Variants in ACO2 observed in about 807,000 individuals in gnomAD.
The protein encoded by ACO2 is aconitase 2.
ACO2 carries 31 observed loss-of-function variants against 84.5 expected under a neutral mutation model. That is an observed-to-expected ratio of 0.37 (90% confidence interval 0.28 to 0.50). ACO2 has a LOEUF of 0.50. Among genes scored for constraint, ACO2 ranks in the 20% least tolerant of loss-of-function variants. ACO2 has a pLI of 0.97. For synonymous variants in ACO2, 414 were observed against 412.7 expected (o/e 1.00, Z -0.04); for missense variants, 685 against 1,029.3 (o/e 0.67, Z 4.58).
At chr22:41,526,672 G>A in intron 15 of ACO2, 1 of 512,446 alleles carries the variant, frequency 2.0e-6, no homozygotes, top group South Asian at 3.2e-5. Flanking sequence ...GCACCAGGAG[G>A]AGTTAGTGAG....
At chr22:41,501,609 G>A (rs2066354195) in intron 2 of ACO2, among the ~76,000 whole-genome samples, 1 of 152,190 alleles carries the variant, frequency 6.6e-6, no homozygotes, top group Non-Finnish European at 1.5e-5. Flanking sequence ...TGGCTTCTTT[G>A]ATACTGACAG....
At chr22:41,517,424 A>T (rs867636539) in intron 6 of ACO2, 103 bp from the exon 7 acceptor site, 1 of 881,186 alleles carries the variant, frequency 1.1e-6, no homozygotes, top group Middle Eastern at 2.8e-4. Flanking sequence ...TGGGAGGAGA[A>T]GCAATGCAGC....
chr22:41,504,711 CTTTTTTT>C (rs926246283), intron 2 of ACO2, among the ~76,000 whole-genome samples: 5 of 48,604 alleles, frequency 1.0e-4, no homozygotes, highest in African/African-American at 3.9e-4. Context: ...ACCTTAGGGA[CTTTTTTT>C]TTTTTTTTTT....
chr22:41,496,505 G>A (rs868723564), intron 1 of ACO2, among the ~76,000 whole-genome samples: 3 of 152,156 alleles, frequency 2.0e-5, no homozygotes, highest in South Asian at 2.1e-4. Context: ...ATTGCTTGGA[G>A]AGGTTAAATT....
At position 41,469,175 on chromosome 22, in the gene ACO2, G is replaced by A. The variant is rs759178065; in HGVS notation, c.29G>A (p.Arg10Gln). MAPYSLLVT[R>Q]LQKALGVRQY... ...GCGCCCTACAGCCTACTGGTGACTCGGCTGCAGGTGAGCGAGCTCAGGGAC... is the reference window on the plus strand; with the variant it reads ...GCGCCCTACAGCCTACTGGTGACTCAGCTGCAGGTGAGCGAGCTCAGGGAC... The change falls in exon 1 of 18, where the codon CGG becomes CAG. Residue 10 changes from arginine to glutamine, a missense_variant. By Grantham distance (43) the Arg-to-Gln change is conservative (BLOSUM62 1). Transcript: ENST00000216254. The A allele has an allele frequency of 1.2e-6, 2 of 1,607,720 alleles. No homozygotes were observed. The highest frequency in any genetic ancestry group is 1.7e-6 in the Non-Finnish European group (2 of 1,176,868).
intron 17 of ACO2, 147 bp from the exon 18 acceptor site, chr22:41,528,331 TG>T: frequency 8.3e-7 from 1 of 1,199,668 alleles, no homozygotes; most frequent in Non-Finnish European, 1.1e-6. Flanking sequence ...GGGTCTGACC[TG>T]GGCCATCAGG....
chr22:41,503,989 G>A lies in ACO2; in HGVS notation c.174-3802G>A, dbSNP rs549627613. Among the ~76,000 whole-genome samples, 38 of 152,318 alleles carry A rather than the reference G, an allele frequency of 2.5e-4. No homozygotes were observed. In the South Asian group the frequency reaches 3.5e-3, roughly 14 times the overall value. On this transcript the variant is annotated intron_variant, in intron 2 of 17. Transcript: ENST00000216254. ...GGCACTTTGGGAGGCCGAGGCAGGC[G>A]GATCACTTAAGGCCAGGAGTTTGAG...
intron 14 of ACO2, 111 bp from the exon 15 acceptor site, chr22:41,526,151 C>T (rs1260273040): frequency 1.1e-6 from 1 of 927,858 alleles, no homozygotes; most frequent in Non-Finnish European, 1.6e-6. Context: ...GCCTCTCACC[C>T]CTCTGTCACC....
chr22:41,499,813 T>A lies in ACO2; in HGVS notation c.124T>A (p.Tyr42Asn). 6.2e-7 allele frequency: 1 copy of A among 1,614,090 alleles called. No individual in the cohort carries two copies. Among genetic ancestry groups the A allele is most frequent in the Non-Finnish European group, 8.5e-7 (1 of 1,180,030 alleles). The change falls in exon 2 of 18, where the codon TAC becomes AAC. Residue 42 changes from tyrosine (Y) to asparagine (N), a missense_variant. Tyr to Asn is a moderately radical substitution (Grantham distance 143, BLOSUM62 -2). This residue lies in a region of ACO2 where 98 missense variants were observed against 107.6 expected (regional missense o/e 0.91). Coordinates refer to ENST00000216254, the MANE Select transcript of ACO2 (RefSeq NM_001098.3). ...VAMSHFEPNE[Y>N]IHYDLLEKNI... ...GATGAGCCACTTTGAGCCCAACGAG[T>A]ACATCCATTATGACCTGCTAGAGAA...
At chr22:41,495,480 A>G (rs563180855) in intron 1 of ACO2, among the ~76,000 whole-genome samples, 6 of 152,040 alleles carry the variant, frequency 3.9e-5, no homozygotes, top group Non-Finnish European at 7.4e-5. Flanking sequence ...CCATCTACGT[A>G]TTGATAAGTA....
In ACO2 at chr22:41,528,005, G is replaced by T; in HGVS notation, c.2191G>T (p.Asp731Tyr). Residue 731 changes from aspartate to tyrosine, a missense_variant, in exon 17 of 18, where the codon GAC becomes TAC. Transcript: ENST00000216254. ...VDKLTIQGLK[D>Y]FTPGKPLKCI... ...CAAGCTGACCATTCAGGGCCTGAAG[G>T]ACTTCACCCCTGGCAAGGTTAGGGG... is the stretch of plus-strand genomic sequence containing the variant. 3 of 1,614,158 alleles carry T rather than the reference G, an allele frequency of 1.9e-6. No individual in the cohort carries two copies. Among genetic ancestry groups the T allele is most frequent in the African/African-American group, 1.3e-5 (1 of 75,046 alleles).
In ACO2 at chr22:41,520,133, C is replaced by T. The variant is rs765161444; in HGVS notation, c.1033-38C>T. Reference sequence around the variant, plus strand: ...CTGTCCCCGCTTCAAGGTTTCTTCCCTCCTCTCTTTCTTCTCCTTGCATGT... The same window carrying T: ...CTGTCCCCGCTTCAAGGTTTCTTCCTTCCTCTCTTTCTTCTCCTTGCATGT... On this transcript the variant is annotated intron_variant, in intron 8 of 17. Coordinates refer to ENST00000216254, the MANE Select transcript of ACO2 (RefSeq NM_001098.3). The T allele has an allele frequency of 5.1e-6, 8 of 1,568,718 alleles. No homozygotes were observed. The East Asian group carries it at 9.0e-5, about 18-fold the overall frequency.
intron 7 of ACO2, 21 bp from the exon 8 acceptor site, chr22:41,518,460 C>T: frequency 1.3e-6 from 2 of 1,591,400 alleles, no homozygotes; most frequent in Non-Finnish European, 1.7e-6. Context: ...GTGCTCCATC[C>T]CCGTCCCTTG....
chr22:41,507,116 G>A (rs1411900055), intron 2 of ACO2, among the ~76,000 whole-genome samples: 2 of 152,138 alleles, frequency 1.3e-5, no homozygotes, highest in Non-Finnish European at 2.9e-5. Context: ...GGTCTAGGAG[G>A]AGGAGGAGCT....
rs74458473 is a variant in ACO2 at position 41,491,112 on chromosome 22, C to T, written c.37-8614C>T. On this transcript the variant is annotated intron_variant, in intron 1 of 17. Transcript: ENST00000216254. The stretch of plus-strand genomic sequence containing the variant: ...GTTTGATGGATCAACTGGATGTTCC[C>T]TAGGCAAAGGGCAGACTGGGAATGG... Among the ~76,000 whole-genome samples the T allele has an allele frequency of 5.9e-3, 900 of 151,988 alleles. 12 individuals are homozygous for T. The highest frequency in any genetic ancestry group is 0.021 in the African/African-American group (867 of 41,458).
At chr22:41,528,412 A>AC (rs1569027015) in intron 17 of ACO2, 67 bp from the exon 18 acceptor site, 50 of 1,575,970 alleles carry the variant, frequency 3.2e-5, no homozygotes, top group Non-Finnish European at 4.0e-5. Context: ...TGTCTCCCTG[A>AC]CCCCCCTGCG....
At chr22:41,508,137 C>A in intron 3 of ACO2, 88 bp downstream of exon 3, 2 of 1,476,520 alleles carry the variant, frequency 1.4e-6, no homozygotes, top group Non-Finnish European at 9.1e-7. Context: ...CAGGGCATTG[C>A]CTCCAAATTC....
intron 1 of ACO2, among the ~76,000 whole-genome samples, chr22:41,471,752 G>A (rs772456968): frequency 1.8e-4 from 28 of 152,218 alleles, no homozygotes; most frequent in Non-Finnish European, 3.4e-4. Context: ...TACTGTGTAT[G>A]ACTAATTTCA....
intron 2 of ACO2, among the ~76,000 whole-genome samples, chr22:41,501,241 G>T (rs1438607176): frequency 6.6e-6 from 1 of 151,876 alleles, no homozygotes; most frequent in Non-Finnish European, 1.5e-5. Flanking sequence ...GCTCAAAACT[G>T]TTCTCCCACC....
Sources: allele counts gnomAD v4.1 joint callset (sites outside exome capture counted in the v4.1 genomes callset), GRCh38; gene constraint gnomAD v4.1.1; regional missense constraint gnomAD v4.1.1; transcripts MANE v1.5; gene names NCBI Gene and HGNC (gene_info 2026-07-23, HGNC 2026-07-21).